Variants in PPP1R9A observed in about 807,000 individuals in gnomAD.
PPP1R9A encodes neurabin-1.
A neutral mutation model predicts 141.9 loss-of-function variants in PPP1R9A; 59 were observed. The ratio of observed to expected loss-of-function variants is 0.42; its 90% confidence interval spans 0.34 to 0.52. The LOEUF (loss-of-function observed/expected upper bound fraction) is 0.52, where lower values mean the gene tolerates loss of function less well. Ranked by LOEUF, PPP1R9A falls within the 20% of genes least tolerant of loss-of-function variation. PPP1R9A has a pLI of 0.10. For missense variants in PPP1R9A, 1,444 were observed against 1,611.9 expected (o/e 0.90, Z 1.78); for synonymous variants, 500 against 569.7 (o/e 0.88, Z 1.74).
chr7:94,970,993 A>G (rs984564), intron 2 of PPP1R9A, among the ~76,000 whole-genome samples: 7,490 of 152,136 alleles, frequency 0.049, 737 homozygotes, highest in East Asian at 0.42. Flanking sequence ...ATGCTTTCTC[A>G]TTCAGCAAAC....
In PPP1R9A at chr7:95,228,810, A is replaced by T. The variant is rs139520364; in HGVS notation, c.2112+2694A>T. 4.2e-3 allele frequency among the ~76,000 whole-genome samples: 643 copies of T among 152,312 alleles called. 6 individuals carry two copies. The highest frequency in any genetic ancestry group is 0.014 in the African/African-American group (569 of 41,572). On this transcript the variant is annotated intron_variant, in intron 8 of 19. Transcript: ENST00000433360. The stretch of plus-strand genomic sequence containing the variant: ...CAAGTTCATGGAATATATTTGTTTA[A>T]TTCAAGCCTTTTTTCTCATCCTCCC...
Position 95,226,107 on chromosome 7 carries a change from G to A in PPP1R9A, c.2103G>A (p.Lys701=). The change falls in exon 8 of 20, where the codon AAG becomes AAA. Residue 701 remains lysine (K), a synonymous_variant. Transcript: ENST00000433360. ...TGGACACAAGCAAGCTCAGTCACAA[G>A]TTCAAAGAGGTATGCCACTAAGCTG... ...SELDTSKLSH[K]FKELQIKHAV... The A allele has an allele frequency of 6.2e-7, 1 of 1,612,326 alleles. No individual in the cohort carries two copies. The highest frequency in any genetic ancestry group is 8.5e-7 in the Non-Finnish European group (1 of 1,178,720).
chr7:94,920,582 T>C (rs1281184023), intron 2 of PPP1R9A, among the ~76,000 whole-genome samples: 3 of 152,216 alleles, frequency 2.0e-5, no homozygotes, highest in Non-Finnish European at 4.4e-5. Flanking sequence ...TTATGGATAA[T>C]GGTAAATGAA....
Position 94,910,750 on chromosome 7 carries a change from G to C in PPP1R9A, c.637G>C (p.Asp213His), listed in dbSNP as rs141443113. Residue 213 changes from aspartate to histidine, a missense_variant, in exon 2 of 20, where the codon GAT becomes CAT. By Grantham distance (81) the Asp-to-His change is moderately conservative. Coordinates refer to ENST00000433360, the MANE Select transcript of PPP1R9A (RefSeq NM_001166160.2). The surrounding 1 kb of genome is among the most constrained non-coding windows in gnomAD (Gnocchi z 4.5). ...ACTGAGTGCAGTATTTGAGAACACT[G>C]ATTCTCCCAGTGCCATCATTTCTGA... ...SQLSAVFENT[D>H]SPSAIISEKA... 5 of 1,614,102 alleles carry C rather than the reference G, an allele frequency of 3.1e-6. No homozygotes were observed. Among genetic ancestry groups the C allele is most frequent in the African/African-American group, 2.7e-5 (2 of 75,038 alleles).
rs1485261707 is a variant in PPP1R9A at position 95,293,511 on chromosome 7, A to G, written c.*3208A>G. The G allele has an allele frequency of 6.6e-6, 1 of 152,196 alleles. No homozygotes were observed. The highest frequency in any genetic ancestry group is 1.5e-5 in the Non-Finnish European group (1 of 68,032). The allele number at this position is 152,196 out of a possible 1,614,324, so 9.4% of individuals were successfully genotyped here. On this transcript the variant is annotated 3_prime_UTR_variant, in exon 20 of 20. Coordinates refer to ENST00000433360, the MANE Select transcript of PPP1R9A (RefSeq NM_001166160.2). ...CAGCAGTTCATGATTGCAGTATGAT[A>G]GGTACTAAAGCCAAACTCAGCTTTC...
intron 7 of PPP1R9A, among the ~76,000 whole-genome samples, chr7:95,221,399 C>T (rs962886567): frequency 6.6e-6 from 1 of 152,004 alleles, no homozygotes; most frequent in South Asian, 2.1e-4. Context: ...TTTCATTGAT[C>T]CCCACTTAAC....
intron 2 of PPP1R9A, among the ~76,000 whole-genome samples, chr7:95,081,892 C>T (rs1459330648): frequency 9.2e-5 from 14 of 152,154 alleles, no homozygotes; most frequent in Admixed American, 8.5e-4. Context: ...TCCCCTGCCC[C>T]CAACAAACTT....
At chr7:94,958,185 C>T (rs547908470) in intron 2 of PPP1R9A, among the ~76,000 whole-genome samples, 9 of 152,114 alleles carry the variant, frequency 5.9e-5, no homozygotes, top group Non-Finnish European at 1.0e-4. Context: ...AATGATTTGC[C>T]GGAAGGAGTT....
At chr7:94,966,526 G>C (rs192179624) in intron 2 of PPP1R9A, among the ~76,000 whole-genome samples, 7 of 152,236 alleles carry the variant, frequency 4.6e-5, no homozygotes, top group African/African-American at 1.7e-4. Flanking sequence ...TAGCATGAAG[G>C]GGTGTTGAAT....
At chr7:95,266,547 A>G (rs1482291234) in intron 12 of PPP1R9A, among the ~76,000 whole-genome samples, 1 of 152,090 alleles carries the variant, frequency 6.6e-6, no homozygotes, top group Non-Finnish European at 1.5e-5. Flanking sequence ...TCAAGACACT[A>G]GAGTAATCAT....
At chr7:94,972,785 T>C (rs898393758) in intron 2 of PPP1R9A, among the ~76,000 whole-genome samples, 64 of 152,316 alleles carry the variant, frequency 4.2e-4, no homozygotes, top group African/African-American at 1.4e-3. Context: ...AGGATTTAGG[T>C]GATCTGACTA....
At chr7:95,277,938 T>TGAGATGTGTGTATCTCAGATGGG (rs1459644980) in intron 16 of PPP1R9A, among the ~76,000 whole-genome samples, 2 of 152,104 alleles carry the variant, frequency 1.3e-5, no homozygotes, top group African/African-American at 2.4e-5. Flanking sequence ...GAAAACTCTG[T>TGAGATGTGTGTATCTCAGATGGG]GAGATGTGTG....
intron 5 of PPP1R9A, among the ~76,000 whole-genome samples, chr7:95,167,625 A>G (rs1183111484): frequency 6.6e-6 from 1 of 152,182 alleles, no homozygotes; most frequent in Non-Finnish European, 1.5e-5. Context: ...TTTTCAGATG[A>G]TGTGATCTTA....
chr7:94,970,234 C>T (rs1016457015), intron 2 of PPP1R9A, among the ~76,000 whole-genome samples: 4 of 152,212 alleles, frequency 2.6e-5, no homozygotes, highest in Admixed American at 6.5e-5. Context: ...TCTGCCCAAA[C>T]GGCCATCCAG....
intron 12 of PPP1R9A, among the ~76,000 whole-genome samples, chr7:95,254,884 A>G (rs1799367438): frequency 6.6e-6 from 1 of 152,190 alleles, no homozygotes; most frequent in Admixed American, 6.6e-5. Context: ...TTTGACCACC[A>G]TTTGTATGTT....
intron 4 of PPP1R9A, among the ~76,000 whole-genome samples, chr7:95,154,545 A>G (rs2152680053): frequency 6.6e-6 from 1 of 152,246 alleles, no homozygotes; most frequent in Admixed American, 6.5e-5. Flanking sequence ...CTAAATTACT[A>G]GTACATTTGA....
At chr7:94,931,739 C>T (rs950833821) in intron 2 of PPP1R9A, among the ~76,000 whole-genome samples, 7 of 152,088 alleles carry the variant, frequency 4.6e-5, no homozygotes, top group Middle Eastern at 3.2e-3. Flanking sequence ...CCACTACATC[C>T]GGCTAATTTC....
chr7:95,110,174 T>C (rs991596853), intron 2 of PPP1R9A, among the ~76,000 whole-genome samples: 1 of 152,166 alleles, frequency 6.6e-6, no homozygotes, highest in African/African-American at 2.4e-5. Context: ...GGTTTATAGG[T>C]TACCATATAT....
intron 3 of PPP1R9A, among the ~76,000 whole-genome samples, chr7:95,119,374 A>G (rs566483544): frequency 3.3e-5 from 5 of 152,388 alleles, no homozygotes; most frequent in South Asian, 4.1e-4. Flanking sequence ...GGTTGGATAC[A>G]TTATGATACC....
Sources: allele counts gnomAD v4.1 joint callset (sites outside exome capture counted in the v4.1 genomes callset), GRCh38; gene constraint gnomAD v4.1.1; non-coding constraint Gnocchi (gnomAD v3.1); transcripts MANE v1.5; gene names NCBI Gene and HGNC (gene_info 2026-07-23, HGNC 2026-07-21).